Variants in TMEM182 observed in about 807,000 individuals in gnomAD.
TMEM182 encodes transmembrane protein 182.
Under a neutral mutation model 26.8 loss-of-function variants are expected in TMEM182, and 20 were observed. The observed-to-expected ratio is 0.75, with a 90% confidence interval of 0.53 to 1.09. TMEM182 has a LOEUF of 1.09. Ranked by LOEUF, TMEM182 falls within the 50% of genes least tolerant of loss-of-function variation. The pLI is 0.00. For missense variants in TMEM182, 277 were observed against 275.5 expected, an observed-to-expected ratio of 1.01 and a Z score of -0.04; for synonymous variants, 109 against 102.2, an observed-to-expected ratio of 1.07 and a Z score of -0.40.
chr2:102,797,900 G>C lies in TMEM182; in HGVS notation c.369G>C (p.Gly123=), dbSNP rs373489178. 60 of 1,613,898 alleles carry C rather than the reference G, an allele frequency of 3.7e-5. No homozygotes were observed. Among genetic ancestry groups the C allele is most frequent in the Admixed American group, 6.7e-5 (4 of 59,998 alleles). Residue 123 remains glycine, a synonymous_variant, in exon 4 of 5, where the codon GGG becomes GGC. Coordinates refer to ENST00000412401, the MANE Select transcript of TMEM182 (RefSeq NM_144632.5). ...TCTGGGCAGTCCTGATGCTCCTGGGGGTAGTTGCTGTAGTCATCGCAAGCT... is the reference window on the plus strand; with the variant it reads ...TCTGGGCAGTCCTGATGCTCCTGGGCGTAGTTGCTGTAGTCATCGCAAGCT... ...RGFWAVLMLL[G]VVAVVIASFL...
intron 3 of TMEM182, among the ~76,000 whole-genome samples, chr2:102,832,664 C>T (rs932427112): frequency 6.6e-6 from 1 of 152,138 alleles, no homozygotes; most frequent in African/African-American, 2.4e-5. Flanking sequence ...TAACAATAAG[C>T]GCAGGCTGTC....
chr2:102,802,553 C>T (rs561524314), intron 4 of TMEM182, among the ~76,000 whole-genome samples: 9 of 152,314 alleles, frequency 5.9e-5, no homozygotes, highest in African/African-American at 1.9e-4. Flanking sequence ...CGTGGACTCA[C>T]AGAGAACTCT....
At position 102,834,250 on chromosome 2, in the gene TMEM182, G is replaced by A. The variant is rs374345535; in HGVS notation, c.326-9162G>A. Among the ~76,000 whole-genome samples, 7 of 152,216 alleles carry A rather than the reference G, an allele frequency of 4.6e-5. No homozygotes were observed. The East Asian group carries it at 1.2e-3, about 25-fold the overall frequency. On this transcript the variant is annotated intron_variant, in intron 3 of 3. Coordinates refer to the TMEM182 transcript ENST00000486293. ...CCGTGGGCCTAACTCTAAGGCTGAA[G>A]GATTATCCATTGATAAACTTCATGC...
chr2:102,764,477 G>A (rs766109249), intron 3 of TMEM182, 50 bp downstream of exon 3: 4 of 1,509,908 alleles, frequency 2.6e-6, no homozygotes, highest in Non-Finnish European at 3.7e-6. Context: ...TTATCTTTCT[G>A]AAGGATGCCC....
intron 3 of TMEM182, among the ~76,000 whole-genome samples, chr2:102,790,739 C>A (rs1681601362): frequency 6.6e-6 from 1 of 152,148 alleles, no homozygotes; most frequent in African/African-American, 2.4e-5. Context: ...CAGATATACC[C>A]AAGACATGAG....
chr2:102,806,563 G>A (rs979282116), intron 4 of TMEM182, among the ~76,000 whole-genome samples: 6 of 152,150 alleles, frequency 3.9e-5, no homozygotes, highest in African/African-American at 1.4e-4. Flanking sequence ...CTCTTGGCCT[G>A]TCCTGAAATA....
intron 4 of TMEM182, among the ~76,000 whole-genome samples, chr2:102,807,722 TG>T (rs1682400983): frequency 6.6e-6 from 1 of 152,194 alleles, no homozygotes; most frequent in African/African-American, 2.4e-5. Flanking sequence ...CTGTGATAGC[TG>T]GTCACGCTGC....
At chr2:102,747,420 AG>A (rs1679734736) in intron 1 of TMEM182, among the ~76,000 whole-genome samples, 2 of 152,264 alleles carry the variant, frequency 1.3e-5, no homozygotes, top group Non-Finnish European at 2.9e-5. Context: ...TTTTAAATAT[AG>A]GCATGATCAC....
chr2:102,794,430 A>T (rs1681781140), intron 3 of TMEM182, among the ~76,000 whole-genome samples: 1 of 152,078 alleles, frequency 6.6e-6, no homozygotes, highest in African/African-American at 2.4e-5. Context: ...TTTAACGTGC[A>T]CTCCGGTGTC....
At chr2:102,785,041 C>T (rs1436087820) in intron 3 of TMEM182, among the ~76,000 whole-genome samples, 1 of 152,186 alleles carries the variant, frequency 6.6e-6, no homozygotes, top group Non-Finnish European at 1.5e-5. Flanking sequence ...CTGGTTCCAA[C>T]ACCTCCGACA....
In TMEM182 at chr2:102,823,354, A is replaced by G. The variant is rs1263350498; in HGVS notation, c.326-20058A>G. On this transcript the variant is annotated intron_variant, in intron 3 of 3. Transcript: ENST00000486293. ...TTTATTTTTTATTTTTATTTTTTTG[A>G]TGGAGTCTCAAACTGTCGCCTGGGC... Among the ~76,000 whole-genome samples the G allele has an allele frequency of 3.3e-5, 5 of 151,566 alleles. 1 individual carries two copies. The highest frequency in any genetic ancestry group is 1.2e-4 in the African/African-American group (5 of 41,144).
intron 3 of TMEM182, chr2:102,775,152 A>C (rs1426934081): frequency 2.0e-5 from 3 of 152,232 alleles, no homozygotes; most frequent in Admixed American, 2.0e-4. Flanking sequence ...TCCTCATGGC[A>C]AACCAAATCC....
intron 3 of TMEM182, among the ~76,000 whole-genome samples, chr2:102,789,120 C>T (rs1438586529): frequency 6.6e-6 from 1 of 152,126 alleles, no homozygotes; most frequent in Non-Finnish European, 1.5e-5. Context: ...GGGGTAGTGG[C>T]GTGTTTTGTT....
At position 102,814,732 on chromosome 2, in the gene TMEM182, G is replaced by A. The variant is rs954002040; in HGVS notation, c.470-16G>A. 6.2e-7 allele frequency: 1 copy of A among 1,607,662 alleles called. No homozygotes were observed. The highest frequency in any genetic ancestry group is 1.3e-5 in the African/African-American group (1 of 74,770). On this transcript the variant is annotated splice_polypyrimidine_tract_variant and intron_variant, in intron 4 of 4. Transcript: ENST00000412401. ...TCTTCAGAAAGGCTAACAGTCTTCT[G>A]TTTCATCCTTCTCAGGCATCCTATT...
chr2:102,804,613 T>A (rs1315580940), intron 4 of TMEM182, among the ~76,000 whole-genome samples: 1 of 152,174 alleles, frequency 6.6e-6, no homozygotes, highest in African/African-American at 2.4e-5. Context: ...TCTCTGACTT[T>A]CCCTGGTATG....
At chr2:102,771,880 C>T (rs1048282434) in intron 3 of TMEM182, among the ~76,000 whole-genome samples, 1 of 152,118 alleles carries the variant, frequency 6.6e-6, no homozygotes, top group African/African-American at 2.4e-5. Context: ...CCAGTAGATC[C>T]CAGTTATGAT....
At chr2:102,784,256 T>G (rs1474122165) in intron 3 of TMEM182, among the ~76,000 whole-genome samples, 1 of 152,198 alleles carries the variant, frequency 6.6e-6, no homozygotes, top group African/African-American at 2.4e-5. Context: ...TTGTCAGAGT[T>G]TTCCATGCCT....
In TMEM182 at chr2:102,762,609, A is replaced by G. The variant is rs1344066185; in HGVS notation, c.155A>G (p.His52Arg). 2 of 1,613,830 alleles carry G rather than the reference A, an allele frequency of 1.2e-6. No homozygotes were observed. The highest frequency in any genetic ancestry group is 1.7e-6 in the Non-Finnish European group (2 of 1,179,912). The change falls in exon 2 of 5, where the codon CAT becomes CGT. Residue 52 changes from histidine to arginine, a missense_variant. Coordinates refer to ENST00000412401, the MANE Select transcript of TMEM182 (RefSeq NM_144632.5). The part of the protein sequence containing the change: ...EKNIENVTFH[H>R]EGFFWRCWFN... ...CAGATAGAGAACGTCACTTTTCACC[A>G]TGAAGGGTTCTTCTGGAGGTGTTGG...
chr2:102,738,754 C>CAA (rs1679455194), intron 1 of TMEM182, among the ~76,000 whole-genome samples: 1 of 152,060 alleles, frequency 6.6e-6, no homozygotes, highest in African/African-American at 2.4e-5. Context: ...ACAACATATA[C>CAA]CGATGTAATA....
Sources: allele counts gnomAD v4.1 joint callset (sites outside exome capture counted in the v4.1 genomes callset), GRCh38; gene constraint gnomAD v4.1.1; transcripts MANE v1.5; gene names NCBI Gene and HGNC (gene_info 2026-07-23, HGNC 2026-07-21).